The following AGR3 variants were observed in gnomAD, a reference collection of about 807,000 sequenced individuals.
AGR3 encodes the protein anterior gradient 3, protein disulphide isomerase family member, also known as anterior gradient protein 3.
AGR3 carries 37 observed loss-of-function variants against 24.5 expected under a neutral mutation model. That is an observed-to-expected ratio of 1.51 (90% confidence interval 1.16 to 1.99). The LOEUF is 1.99. Among genes scored for constraint, AGR3 ranks in the 30% most tolerant of loss-of-function variants. The probability of loss-of-function intolerance (pLI) is 0.00; values close to 1 mark genes in which losing one functional copy is unlikely to be tolerated. For synonymous variants in AGR3, 75 were observed against 61.6 expected (o/e 1.22, Z -1.02); for missense variants, 228 against 191.1 (o/e 1.19, Z -1.14).
At chr7:16,866,245 A>G (rs1367736119) in intron 3 of AGR3, 11 of 523,156 alleles carry the variant, frequency 2.1e-5, no homozygotes, top group Non-Finnish European at 4.2e-5. Flanking sequence ...TCATTGAATG[A>G]TGGGTCAATC....
In AGR3 at chr7:16,870,341, C is replaced by T. The variant is rs1179269994; in HGVS notation, c.173+3439G>A. On this transcript the variant is annotated intron_variant, in intron 3 of 7. Coordinates refer to ENST00000310398, the MANE Select transcript of AGR3 (RefSeq NM_176813.5). ...TTTCACGTATATAAATTATCATTTGCACATAAAGATAATTTTAACTTTTCC... is the reference window on the plus strand; with the variant it reads ...TTTCACGTATATAAATTATCATTTGTACATAAAGATAATTTTAACTTTTCC... Among the ~76,000 whole-genome samples the T allele has an allele frequency of 2.6e-5, 4 of 151,988 alleles. No individual in the cohort carries two copies. In the East Asian group the frequency reaches 7.7e-4, roughly 29 times the overall value.
At chr7:16,862,746 G>T in intron 3 of AGR3, 84 bp from the exon 4 acceptor site, 1 of 876,108 alleles carries the variant, frequency 1.1e-6, no homozygotes, top group Non-Finnish European at 1.8e-6. Flanking sequence ...AATTTTATTA[G>T]CTTCAATAAG....
chr7:16,860,074 A>G (rs183863903), intron 7 of AGR3, among the ~76,000 whole-genome samples: 9 of 147,744 alleles, frequency 6.1e-5, no homozygotes, highest in Admixed American at 2.8e-4. Flanking sequence ...TGGGCAACAT[A>G]CCAAGACCCT....
intron 4 of AGR3, among the ~76,000 whole-genome samples, 156 bp downstream of exon 4, chr7:16,862,454 T>G (rs1173657312): frequency 6.6e-6 from 1 of 152,132 alleles, no homozygotes; most frequent in Admixed American, 6.5e-5. Context: ...ATTGTGGTCT[T>G]TAAGCACCTT....
chr7:16,855,188 C>T (rs1018892645), downstream of AGR3, among the ~76,000 whole-genome samples: 1 of 152,112 alleles, frequency 6.6e-6, no homozygotes, highest in Non-Finnish European at 1.5e-5. Context: ...CTATAGTCAT[C>T]CTACAGTACT....
intron 3 of AGR3, among the ~76,000 whole-genome samples, chr7:16,866,630 T>C (rs554581517): frequency 6.6e-6 from 1 of 151,618 alleles, no homozygotes; most frequent in African/African-American, 2.4e-5. Context: ...GTTATTAGTT[T>C]AAATTTTTTT....
chr7:16,880,451 T>G (rs1218713127), intron 1 of AGR3, among the ~76,000 whole-genome samples: 1 of 150,936 alleles, frequency 6.6e-6, no homozygotes, highest in African/African-American at 2.4e-5. Flanking sequence ...GTGAGCTACA[T>G]CGCCCGGACT....
rs1391670648 is a variant in AGR3 at position 16,861,408 on chromosome 7, A to G, written c.343T>C (p.Tyr115His). ...CCTACAAACATGATTCTAGGCACATATTGCCCATCAGGTGATAAATTCTTA... is the reference window on the plus strand; with the variant it reads ...CCTACAAACATGATTCTAGGCACATGTTGCCCATCAGGTGATAAATTCTTA... ...TDKNLSPDGQ[Y>H]VPRIMFVDPS... Residue 115 changes from tyrosine (Y) to histidine (H), a missense_variant, in exon 6 of 8, where the codon TAT (tyrosine) becomes CAT (histidine). By Grantham distance (83) the Tyr-to-His change is moderately conservative. Coordinates refer to ENST00000310398, the MANE Select transcript of AGR3 (RefSeq NM_176813.5). 6.2e-7 allele frequency: 1 copy of G among 1,610,994 alleles called. No individual in the cohort carries two copies.
rs56817783 is a variant in AGR3, at chr7:16,861,899, T to TAAA, written c.303+82_303+84dup. 455 of 863,776 alleles carry TAAA rather than the reference T, an allele frequency of 5.3e-4. 1 individual carries two copies. The highest frequency in any genetic ancestry group is 8.4e-4 in the South Asian group (46 of 54,964). The allele number at this position is 863,776 out of a possible 1,614,324, so 53.5% of individuals were successfully genotyped here. ...CTGGGTGACAGAGCGAGACTCTGTC[T>TAAA]AAAAAAAAAAAAAAAAAAGAAAAAA... On this transcript the variant is annotated intron_variant, in intron 5 of 7. Coordinates refer to ENST00000310398, the MANE Select transcript of AGR3 (RefSeq NM_176813.5).
At chr7:16,862,795 T>C (rs1781675344) in intron 3 of AGR3, 133 bp from the exon 4 acceptor site, 1 of 601,744 alleles carries the variant, frequency 1.7e-6, no homozygotes, top group African/African-American at 2.0e-5. Flanking sequence ...ATCATAGCAC[T>C]ATAGTCAATA....
At chr7:16,875,114 CA>C (rs58302584) in intron 2 of AGR3, among the ~76,000 whole-genome samples, 69 of 135,266 alleles carry the variant, frequency 5.1e-4, no homozygotes, top group African/African-American at 1.8e-3. Context: ...GACTCCATCT[CA>C]AAAAAAAAAA....
intron 7 of AGR3, 52 bp from the exon 8 acceptor site, chr7:16,859,683 GCTATGAT>G (rs1453255683): frequency 3.3e-6 from 4 of 1,202,214 alleles, no homozygotes; most frequent in Non-Finnish European, 4.6e-6. Context: ...AAGTACAAAT[GCTATGAT>G]CTATTAACTC....
chr7:16,865,520 A>G (rs1286369338), intron 3 of AGR3: 4 of 701,518 alleles, frequency 5.7e-6, no homozygotes, highest in Non-Finnish European at 1.0e-5. Context: ...TATTTTTACC[A>G]CTGAGACTGT....
chr7:16,856,294 G>C (rs1781554908), downstream of AGR3, among the ~76,000 whole-genome samples: 1 of 152,154 alleles, frequency 6.6e-6, no homozygotes, highest in Non-Finnish European at 1.5e-5. Context: ...CAGAAATTGA[G>C]AGCTTGATCT....
At chr7:16,865,013 C>A in intron 3 of AGR3, 2 of 869,108 alleles carry the variant, frequency 2.3e-6, no homozygotes, top group Admixed American at 3.4e-5. Flanking sequence ...TCAGGTTCAA[C>A]AAGTATGTAT....
rs779190938 is a variant in AGR3 at position 16,860,551 on chromosome 7, C to A, written c.400G>T (p.Gly134Ter). 26 of 1,613,622 alleles carry A rather than the reference C, an allele frequency of 1.6e-5. No individual in the cohort carries two copies. In the South Asian group the frequency reaches 2.6e-4, roughly 16 times the overall value. The change falls in exon 7 of 8, where the codon GGA becomes TGA. Residue 134 changes from glycine to a stop codon, truncating the protein, a stop_gained. Transcript: ENST00000310398. LOFTEE classifies it high-confidence loss of function. ...GTGTACAATCTGTTAGAGTATCTTC[C>A]AGCTATGTCAGCTCTAACTGTTAAA... ...PSLTVRADIA[G>*]RYSNRLYTYE...
downstream of AGR3, among the ~76,000 whole-genome samples, chr7:16,855,742 C>T (rs10246942): frequency 0.054 from 8,254 of 152,206 alleles, 571 homozygotes; most frequent in East Asian, 0.17. Context: ...CATATAATTG[C>T]TTTTTAAGAA....
At chr7:16,876,230 T>A (rs938998976) in intron 2 of AGR3, among the ~76,000 whole-genome samples, 3 of 152,216 alleles carry the variant, frequency 2.0e-5, no homozygotes, top group South Asian at 4.1e-4. Context: ...ACAGTTTAAA[T>A]GCACTTCATG....
intron 3 of AGR3, among the ~76,000 whole-genome samples, chr7:16,867,620 C>T (rs992547258): frequency 9.2e-5 from 14 of 152,138 alleles, no homozygotes; most frequent in Non-Finnish European, 2.1e-4. Flanking sequence ...TTTCACTTAA[C>T]TGAAATGTGT....
Sources: gnomAD v4.1 joint callset for allele counts (sites outside exome capture counted in the v4.1 genomes callset) on GRCh38, gnomAD v4.1.1 for gene constraint, MANE v1.5 for transcripts, NCBI Gene and HGNC (gene_info 2026-07-23, HGNC 2026-07-21) for gene names.